The following INSR variants were observed in gnomAD, a reference collection of about 807,000 sequenced individuals.
The protein encoded by INSR is insulin receptor.
INSR carries 67 observed loss-of-function variants against 142.6 expected under a neutral mutation model. The observed-to-expected ratio is 0.47, with a 90% CI of 0.39 to 0.58. INSR has a LOEUF of 0.58. INSR is among the 20% of genes least tolerant of loss of function. The probability of loss-of-function intolerance (pLI) is 0.00; values close to 1 mark genes in which losing one functional copy is unlikely to be tolerated. For missense variants in INSR, 1,248 were observed against 1,833.2 expected, an observed-to-expected ratio of 0.68 and a Z score of 5.83; for synonymous variants, 756 against 743.1, an observed-to-expected ratio of 1.02 and a Z score of -0.28.
intron 1 of INSR, among the ~76,000 whole-genome samples, chr19:7,286,294 C>T (rs771424804): frequency 1.4e-4 from 21 of 151,988 alleles, no homozygotes; most frequent in Non-Finnish European, 3.1e-4. Context: ...TAAAAAATTA[C>T]TAAACATCAA....
In INSR at chr19:7,233,348, C is replaced by G. The variant is rs566525522; in HGVS notation, c.652+33997G>C. 5.9e-5 allele frequency among the ~76,000 whole-genome samples: 9 copies of G among 152,278 alleles called. No homozygotes were observed. In the South Asian group the frequency reaches 1.9e-3, roughly 32 times the overall value. On this transcript the variant is annotated intron_variant, in intron 2 of 21. Coordinates refer to ENST00000302850, the MANE Select transcript of INSR (RefSeq NM_000208.4). ...AAGAGGAAACAGATCCCGGAGAACT[C>G]CAGTGGACTTGCCCAGAGCCCCACG...
chr19:7,153,411 T>TA (rs1973494305), intron 9 of INSR, among the ~76,000 whole-genome samples: 2 of 6,568 alleles, frequency 3.0e-4, no homozygotes, highest in African/African-American at 4.0e-4. Context: ...CATACACACT[T>TA]CACACACACC....
chr19:7,289,842 A>C (rs1326796057), intron 1 of INSR, among the ~76,000 whole-genome samples: 1 of 152,182 alleles, frequency 6.6e-6, no homozygotes, highest in African/African-American at 2.4e-5. Flanking sequence ...CCTGGGGGGA[A>C]GGGGATCCTC....
At chr19:7,151,695 A>G (rs1973365998) in intron 10 of INSR, among the ~76,000 whole-genome samples, 5 of 150,556 alleles carry the variant, frequency 3.3e-5, no homozygotes, top group Admixed American at 3.3e-4. Context: ...CAAAAAAAGA[A>G]AAAGAAAAGA....
intron 9 of INSR, among the ~76,000 whole-genome samples, chr19:7,156,782 C>CTT (rs746400499): frequency 2.9e-3 from 182 of 63,196 alleles, no homozygotes; most frequent in African/African-American, 7.6e-3. Flanking sequence ...CTATTTCTCT[C>CTT]TTTTTTTTTT....
At chr19:7,289,167 G>A (rs930716737) in intron 1 of INSR, among the ~76,000 whole-genome samples, 4 of 151,890 alleles carry the variant, frequency 2.6e-5, no homozygotes, top group African/African-American at 4.8e-5. Flanking sequence ...TGCAGGAGAC[G>A]CAACTGGGAG....
intron 7 of INSR, among the ~76,000 whole-genome samples, chr19:7,167,443 G>A (rs920007494): frequency 2.0e-5 from 3 of 151,984 alleles, no homozygotes; most frequent in Non-Finnish European, 4.4e-5. Flanking sequence ...ACGTGTGATG[G>A]TGTATGCCCA....
chr19:7,129,703 G>A (rs1316582144), intron 14 of INSR, among the ~76,000 whole-genome samples: 2 of 152,042 alleles, frequency 1.3e-5, no homozygotes, highest in South Asian at 2.1e-4. Context: ...AGCTAGTCCC[G>A]ATCCCAGCAT....
chr19:7,118,477 C>A (rs1972393995), intron 21 of INSR, among the ~76,000 whole-genome samples: 2 of 151,864 alleles, frequency 1.3e-5, no homozygotes, highest in East Asian at 3.9e-4. Context: ...ACGACCGCGC[C>A]TGGGTAATTT....
At chr19:7,179,586 G>C (rs1226375312) in intron 3 of INSR, among the ~76,000 whole-genome samples, 2 of 152,222 alleles carry the variant, frequency 1.3e-5, no homozygotes, top group Non-Finnish European at 2.9e-5. Flanking sequence ...AAATCCAGTA[G>C]GCCACCTGTT....
chr19:7,281,761 C>A (rs1968209178), intron 1 of INSR, among the ~76,000 whole-genome samples: 1 of 152,170 alleles, frequency 6.6e-6, no homozygotes, highest in South Asian at 2.1e-4. Context: ...TCCTGTCTGA[C>A]TACTTTTGCC....
chr19:7,184,400 C>G lies in INSR; in HGVS notation c.890G>C (p.Arg297Pro). Reference protein sequence around the residue: ...QDLHHKCKNSRRQGCHQYVIH... With the variant: ...QDLHHKCKNSPRQGCHQYVIH... ...GACGTACTGGTGGCAGCCCTGCCTC[C>G]GCGAGTTCTTGCATTTGTGGTGCAG... The change falls in exon 3 of 22, where the codon CGG (arginine) becomes CCG (proline). Residue 297 changes from arginine (R) to proline (P), a missense_variant. By Grantham distance (103) the Arg-to-Pro change is moderately radical. Around this residue, in one of 3 missense-constraint regions of INSR, gnomAD observed 1,069 missense variants for 1,654.0 expected, o/e 0.65. Coordinates refer to ENST00000302850, the MANE Select transcript of INSR (RefSeq NM_000208.4). 1 of 1,614,042 alleles carries G rather than the reference C, an allele frequency of 6.2e-7. No individual in the cohort carries two copies. Among genetic ancestry groups the G allele is most frequent in the Non-Finnish European group, 8.5e-7 (1 of 1,180,016 alleles).
At chr19:7,264,120 G>C (rs532353083) in intron 2 of INSR, among the ~76,000 whole-genome samples, 77 of 148,864 alleles carry the variant, frequency 5.2e-4, no homozygotes, top group Non-Finnish European at 9.7e-4. Flanking sequence ...GGTGAGCCAA[G>C]ATCATGCCAT....
intron 1 of INSR, among the ~76,000 whole-genome samples, chr19:7,282,899 G>A (rs1968246089): frequency 6.6e-6 from 1 of 152,012 alleles, no homozygotes; most frequent in Non-Finnish European, 1.5e-5. Flanking sequence ...CATGAACCCG[G>A]AAGGCGAAGC....
intron 1 of INSR, among the ~76,000 whole-genome samples, chr19:7,286,970 C>T (rs1600134058): frequency 2.0e-5 from 3 of 152,026 alleles, no homozygotes; most frequent in Non-Finnish European, 4.4e-5. Flanking sequence ...TCTCAGCCTC[C>T]CAAGTAGCTG....
chr19:7,134,311 A>C (rs529300632), intron 13 of INSR, among the ~76,000 whole-genome samples: 30 of 152,376 alleles, frequency 2.0e-4, no homozygotes, highest in Admixed American at 3.3e-4. Flanking sequence ...GAAATGAAGG[A>C]TCTGCAGGGC....
At chr19:7,285,366 C>T (rs961247293) in intron 1 of INSR, among the ~76,000 whole-genome samples, 2 of 152,036 alleles carry the variant, frequency 1.3e-5, no homozygotes, top group African/African-American at 4.8e-5. Flanking sequence ...AGGAGAGTTG[C>T]TTGAGCCCAG....
Position 7,184,635 on chromosome 19 carries a change from A to G in INSR, c.655T>C (p.Cys219Arg), listed in dbSNP as rs199659271. 6.3e-7 allele frequency: 1 copy of G among 1,586,856 alleles called. No homozygotes were observed. The highest frequency in any genetic ancestry group is 2.2e-5 in the East Asian group (1 of 44,504). Residue 219 changes from cysteine to arginine, a missense_variant and splice_region_variant, in exon 3 of 22, where the codon TGC (cysteine) becomes CGC (arginine). By Grantham distance (180) the Cys-to-Arg change is radical (BLOSUM62 -3). Transcript: ENST00000302850. ...CWTHSHCQKV[C>R]PTICKSHGCT... Reference sequence around the variant, plus strand: ...CCGTGTGACTTACAGATGGTCGGGCAAACTGGAGAGAGAGAGAGAGAGAGA... The same window carrying G: ...CCGTGTGACTTACAGATGGTCGGGCGAACTGGAGAGAGAGAGAGAGAGAGA...
intron 1 of INSR, among the ~76,000 whole-genome samples, chr19:7,288,705 G>A (rs1315354850): frequency 6.7e-5 from 10 of 149,020 alleles, no homozygotes; most frequent in Non-Finnish European, 1.3e-4. Flanking sequence ...GCTCATGCCC[G>A]TAATCCCAGC....
Sources: allele counts gnomAD v4.1 joint callset (sites outside exome capture counted in the v4.1 genomes callset), GRCh38; gene constraint gnomAD v4.1.1; regional missense constraint gnomAD v4.1.1; transcripts MANE v1.5; gene names NCBI Gene and HGNC (gene_info 2026-07-23, HGNC 2026-07-21).